ZNF407: variants seen among roughly 807,000 people sequenced by gnomAD.
The protein encoded by ZNF407 is zinc finger protein 407.
Under a neutral mutation model 131.2 loss-of-function variants are expected in ZNF407, and 17 were observed. The observed-to-expected ratio is 0.13, with a 90% CI of 0.09 to 0.19. ZNF407 has a LOEUF of 0.19. Among genes scored for constraint, ZNF407 ranks in the 10% least tolerant of loss-of-function variants. ZNF407 has a pLI of 1.00. For missense variants in ZNF407, 2,681 were observed against 2,830.6 expected, an observed-to-expected ratio of 0.95 and a Z score of 1.20; for synonymous variants, 1,156 against 1,062.0, an observed-to-expected ratio of 1.09 and a Z score of -1.72.
intron 1 of ZNF407, among the ~76,000 whole-genome samples, chr18:74,619,952 A>G (rs1983448981): frequency 6.6e-6 from 1 of 151,786 alleles, no homozygotes; most frequent in Non-Finnish European, 1.5e-5. Flanking sequence ...ATGGCATTGA[A>G]TTTTTTCACT....
intron 8 of ZNF407, among the ~76,000 whole-genome samples, chr18:74,935,152 C>T (rs1002084676): frequency 6.6e-6 from 1 of 152,118 alleles, no homozygotes; most frequent in Non-Finnish European, 1.5e-5. Flanking sequence ...TCCATTAGTA[C>T]AAAATGACAG....
chr18:74,945,637 A>G (rs2145273191), intron 8 of ZNF407, among the ~76,000 whole-genome samples: 1 of 152,244 alleles, frequency 6.6e-6, no homozygotes, highest in South Asian at 2.1e-4. Flanking sequence ...TTTTCTCCTG[A>G]TTTTATTTTA....
chr18:74,890,889 G>A (rs1172058955), intron 7 of ZNF407, among the ~76,000 whole-genome samples: 1 of 152,194 alleles, frequency 6.6e-6, no homozygotes, highest in Non-Finnish European at 1.5e-5. Context: ...TGTTCGGAAA[G>A]GATGAGGAGG....
intron 4 of ZNF407, among the ~76,000 whole-genome samples, chr18:74,854,376 T>C (rs774675719): frequency 6.6e-6 from 1 of 152,224 alleles, no homozygotes; most frequent in Non-Finnish European, 1.5e-5. Flanking sequence ...TAGTATGAGC[T>C]ACCTACATGG....
chr18:74,643,680 A>G (rs935245927), intron 3 of ZNF407, among the ~76,000 whole-genome samples: 1 of 151,974 alleles, frequency 6.6e-6, no homozygotes, highest in Admixed American at 6.6e-5. Context: ...AACAAACAGT[A>G]TTGAGCTCAA....
intron 7 of ZNF407, among the ~76,000 whole-genome samples, chr18:74,896,175 A>C (rs1267241188): frequency 1.3e-5 from 2 of 152,206 alleles, no homozygotes; most frequent in Non-Finnish European, 2.9e-5. Context: ...GAAAATGTCT[A>C]GAATTAATAT....
At chr18:74,874,773 G>A (rs1971133031) in intron 4 of ZNF407, among the ~76,000 whole-genome samples, 1 of 151,352 alleles carries the variant, frequency 6.6e-6, no homozygotes, top group Admixed American at 6.6e-5. Context: ...GTTTATTTTT[G>A]TGAATGATTT....
At chr18:74,926,876 T>C (rs1971920755) in intron 8 of ZNF407, among the ~76,000 whole-genome samples, 1 of 152,242 alleles carries the variant, frequency 6.6e-6, no homozygotes, top group Admixed American at 6.5e-5. Flanking sequence ...GCCAGTATTC[T>C]TCAGTACGCA....
rs533782286 is a variant in ZNF407 at position 74,693,534 on chromosome 18, T to C, written c.4802+52412T>C. ...GGAAATTTTTGTTAAGAGTTCAAGGTTGAGAATTTGTATTTTCCTTAAATT... is the reference window on the plus strand; with the variant it reads ...GGAAATTTTTGTTAAGAGTTCAAGGCTGAGAATTTGTATTTTCCTTAAATT... On this transcript the variant is annotated intron_variant, in intron 3 of 8. Coordinates refer to ENST00000299687, the MANE Select transcript of ZNF407 (RefSeq NM_017757.3). 1.2e-4 allele frequency among the ~76,000 whole-genome samples: 19 copies of C among 152,344 alleles called. No homozygotes were observed. In the South Asian group the frequency reaches 3.9e-3, roughly 32 times the overall value.
chr18:74,785,189 G>A (rs17055562), intron 4 of ZNF407, among the ~76,000 whole-genome samples: 3,260 of 152,026 alleles, frequency 0.021, 104 homozygotes, highest in African/African-American at 0.074. Context: ...AAAACCTTAC[G>A]TATTTCTTCC....
chr18:74,609,856 T>A (rs1163286602), intron 1 of ZNF407, among the ~76,000 whole-genome samples: 1 of 152,212 alleles, frequency 6.6e-6, no homozygotes, highest in African/African-American at 2.4e-5. Context: ...CATCAGAGGG[T>A]AGTCACCCTA....
intron 1 of ZNF407, among the ~76,000 whole-genome samples, chr18:74,628,649 G>C (rs1181715826): frequency 3.9e-5 from 6 of 152,078 alleles, no homozygotes; most frequent in African/African-American, 1.4e-4. Flanking sequence ...GCAGTGGTGT[G>C]ATCGTAGCTC....
chr18:74,847,815 T>C (rs965142244), intron 4 of ZNF407, among the ~76,000 whole-genome samples: 2 of 151,796 alleles, frequency 1.3e-5, no homozygotes, highest in Non-Finnish European at 2.9e-5. Flanking sequence ...AAAATAATCA[T>C]GTTTATTCTA....
At chr18:75,042,855 C>G (rs1448444356) in intron 8 of ZNF407, among the ~76,000 whole-genome samples, 1 of 152,176 alleles carries the variant, frequency 6.6e-6, no homozygotes, top group Non-Finnish European at 1.5e-5. Flanking sequence ...CAACTTCATT[C>G]CCATTGCTGC....
intron 3 of ZNF407, among the ~76,000 whole-genome samples, chr18:74,742,591 G>A (rs1371098340): frequency 6.6e-6 from 1 of 152,178 alleles, no homozygotes. Flanking sequence ...GTCATGATTG[G>A]ATAATGAAAA....
chr18:74,985,364 A>T (rs1023528801), intron 8 of ZNF407, among the ~76,000 whole-genome samples: 3 of 152,194 alleles, frequency 2.0e-5, no homozygotes, highest in Non-Finnish European at 4.4e-5. Context: ...AGTGTTTCCT[A>T]TATCATATTA....
rs186638080 is a variant in ZNF407, at chr18:74,659,905, A to G, written c.4802+18783A>G. On this transcript the variant is annotated intron_variant, in intron 3 of 8. Coordinates refer to ENST00000299687, the MANE Select transcript of ZNF407 (RefSeq NM_017757.3). The stretch of plus-strand genomic sequence containing the variant: ...TACAGAAAATGACAAATATATTTCT[A>G]TGCATTTTGGATTATTATGCCATTT... Among the ~76,000 whole-genome samples the G allele has an allele frequency of 9.2e-5, 14 of 152,270 alleles. No homozygotes were observed. The East Asian group carries it at 2.5e-3, about 27-fold the overall frequency.
chr18:74,696,986 A>T (rs568673985), intron 3 of ZNF407, among the ~76,000 whole-genome samples: 1 of 152,368 alleles, frequency 6.6e-6, no homozygotes, highest in South Asian at 2.1e-4. Context: ...TGCAAAGTTT[A>T]TTAAAATATG....
In ZNF407 at chr18:75,039,569, ACT is replaced by A. The variant is rs778582589; in HGVS notation, c.5429-23580_5429-23579del. Among the ~76,000 whole-genome samples, 47 of 152,134 alleles carry A rather than the reference ACT, an allele frequency of 3.1e-4. 1 individual carries two copies. Among genetic ancestry groups the A allele is most frequent in the Non-Finnish European group, 5.6e-4 (38 of 68,038 alleles). ...ACGTTTGAAAAAAGTAATTATCCAC[ACT>A]GTTTCCATAATTCAGCTAGGTGTTA... On this transcript the variant is annotated intron_variant, in intron 8 of 8. Coordinates refer to ENST00000299687, the MANE Select transcript of ZNF407 (RefSeq NM_017757.3).
Sources: allele counts gnomAD v4.1 joint callset (sites outside exome capture counted in the v4.1 genomes callset), GRCh38; gene constraint gnomAD v4.1.1; transcripts MANE v1.5; gene names NCBI Gene and HGNC (gene_info 2026-07-23, HGNC 2026-07-21).